SYT2: variants seen among roughly 807,000 people sequenced by gnomAD.
SYT2 encodes the protein synaptotagmin 2, also known as synaptotagmin-2.
In SYT2, 15 loss-of-function variants were observed where a neutral mutation model predicts 39.9. The ratio of observed to expected loss-of-function variants is 0.38; its 90% CI spans 0.25 to 0.58. The LOEUF (loss-of-function observed/expected upper bound fraction) is 0.58. Ranked by LOEUF, SYT2 falls within the 20% of genes least tolerant of loss-of-function variation. The probability of loss-of-function intolerance (pLI) is 0.70; values close to 1 mark genes in which losing one functional copy is unlikely to be tolerated. For missense variants in SYT2, 389 were observed against 530.3 expected (o/e 0.73, Z 2.62); for synonymous variants, 181 against 204.5 (o/e 0.89, Z 0.98).
In SYT2 at chr1:202,637,109, C is replaced by G. The variant is rs1383619546; in HGVS notation, c.-17-31320G>C. 8.5e-5 allele frequency among the ~76,000 whole-genome samples: 13 copies of G among 152,168 alleles called. 1 individual carries two copies. In the South Asian group the frequency reaches 2.7e-3, roughly 32 times the overall value. On this transcript the variant is annotated intron_variant, in intron 1 of 8. Coordinates refer to ENST00000367268, the MANE Select transcript of SYT2 (RefSeq NM_177402.5). ...GCTGAGGTAGGAGGATTGCTTGAGC[C>G]CCAGGAGTTCGAGCCCAGCCTGGGC...
At chr1:202,602,819 G>GC (rs1309542295) in intron 4 of SYT2, among the ~76,000 whole-genome samples, 180 bp downstream of exon 4, 1 of 152,102 alleles carries the variant, frequency 6.6e-6, no homozygotes, top group East Asian at 1.9e-4. Context: ...CCCAAAGCAG[G>GC]CTAGTGGCCA....
intron 1 of SYT2, among the ~76,000 whole-genome samples, chr1:202,680,960 C>T (rs1653509691): frequency 1.3e-5 from 2 of 152,162 alleles, no homozygotes; most frequent in South Asian, 4.1e-4. Flanking sequence ...AACACTGTTT[C>T]CCCATCACTG....
chr1:202,673,108 G>A (rs966510675), intron 1 of SYT2, among the ~76,000 whole-genome samples: 18 of 152,130 alleles, frequency 1.2e-4, no homozygotes, highest in East Asian at 3.9e-4. Context: ...TATGGATGGT[G>A]TTATAAGAAA....
chr1:202,630,334 G>C (rs2149090284), intron 1 of SYT2: 1 of 982,176 alleles, frequency 1.0e-6, no homozygotes, highest in African/African-American at 1.7e-5. Flanking sequence ...CATGGGGAGA[G>C]GGAACACAGA....
chr1:202,641,001 TAGAC>T (rs1691902204), intron 1 of SYT2, among the ~76,000 whole-genome samples: 1 of 152,340 alleles, frequency 6.6e-6, no homozygotes, highest in Admixed American at 6.5e-5. Context: ...ATTGAGGACT[TAGAC>T]AGCTCAGTAC....
intron 1 of SYT2, among the ~76,000 whole-genome samples, chr1:202,619,491 GTC>G (rs749532759): frequency 1.3e-5 from 2 of 152,190 alleles, no homozygotes; most frequent in Non-Finnish European, 2.9e-5. Flanking sequence ...CTGAGGAAGG[GTC>G]TCTCAGGCTT....
At chr1:202,626,522 C>T (rs1210881715) in intron 1 of SYT2, among the ~76,000 whole-genome samples, 7 of 148,808 alleles carry the variant, frequency 4.7e-5, no homozygotes, top group Admixed American at 3.4e-4. Context: ...GGACTACAGG[C>T]GTACCACCAT....
At chr1:202,653,092 C>T (rs192515655) in intron 1 of SYT2, among the ~76,000 whole-genome samples, 17 of 152,098 alleles carry the variant, frequency 1.1e-4, no homozygotes, top group Admixed American at 7.2e-4. Flanking sequence ...AGCGGCTTGA[C>T]ATCTCAATGC....
chr1:202,601,795 C>T lies in SYT2; in HGVS notation c.801+95G>A, dbSNP rs992596843. The T allele has an allele frequency of 1.3e-5, 18 of 1,362,442 alleles. No homozygotes were observed. The highest frequency in any genetic ancestry group is 6.0e-5 in the Admixed American group (3 of 50,206). The allele number at this position is 1,362,442 out of a possible 1,614,324, so 84.4% of individuals were successfully genotyped here. A position where few individuals can be genotyped will look rare whatever the true frequency, so the allele number is the denominator to read the frequency against. ...CTGGGATCCTAACACAGGTCGTCTG[C>T]CTCCAAAGCCCACCCTGTTTCCATC... On this transcript the variant is annotated intron_variant, in intron 6 of 8. Transcript: ENST00000367268. This position sits in a 1 kb window ranked among gnomAD's most constrained non-coding sequence, Gnocchi z 4.0.
intron 1 of SYT2, among the ~76,000 whole-genome samples, chr1:202,693,996 T>A (rs998577777): frequency 1.3e-5 from 2 of 152,086 alleles, no homozygotes; most frequent in African/African-American, 4.8e-5. Flanking sequence ...CCACACACTT[T>A]TAAACATCCA....
At chr1:202,658,585 C>T (rs1235104681) in intron 1 of SYT2, among the ~76,000 whole-genome samples, 2 of 151,998 alleles carry the variant, frequency 1.3e-5, no homozygotes, top group Admixed American at 6.5e-5. Flanking sequence ...GCTGTGAGTA[C>T]GTGTGGCGTG....
At chr1:202,619,029 T>G (rs1222390318) in intron 1 of SYT2, among the ~76,000 whole-genome samples, 1 of 152,198 alleles carries the variant, frequency 6.6e-6, no homozygotes, top group Non-Finnish European at 1.5e-5. Flanking sequence ...CCTGGACCCC[T>G]AGTCCAGTGC....
intron 1 of SYT2, chr1:202,631,971 G>A (rs904828208): frequency 1.1e-4 from 108 of 945,664 alleles, no homozygotes; most frequent in Non-Finnish European, 1.3e-4. Context: ...CTGCTGGTTC[G>A]CCAGGCAGTT....
chr1:202,641,246 C>T (rs1456838055), intron 1 of SYT2, among the ~76,000 whole-genome samples: 3 of 152,150 alleles, frequency 2.0e-5, no homozygotes, highest in Non-Finnish European at 4.4e-5. Flanking sequence ...CAATTTGTCT[C>T]GACTCTGGTG....
At chr1:202,709,709 G>T (rs919147427) in intron 1 of SYT2, among the ~76,000 whole-genome samples, 3 of 152,156 alleles carry the variant, frequency 2.0e-5, no homozygotes, top group Non-Finnish European at 4.4e-5. Context: ...CTTCCAGATG[G>T]CCCCTGCAGT....
intron 1 of SYT2, among the ~76,000 whole-genome samples, chr1:202,661,333 G>T (rs1692375613): frequency 6.6e-6 from 1 of 151,846 alleles, no homozygotes; most frequent in South Asian, 2.1e-4. Context: ...ACCTACTGGG[G>T]CCACCTACTG....
rs1310108702 is a variant in SYT2, at chr1:202,596,891, C to T, written c.1126G>A (p.Val376Met). Residue 376 changes from valine (V) to methionine (M), a missense_variant, in exon 9 of 9, where the codon GTG (valine) becomes ATG (methionine). This residue lies in a region of SYT2 where 84 missense variants were observed against 123.1 expected (regional missense o/e 0.68). Transcript: ENST00000367268. ...GKNEAIGKIF[V>M]GSNATGTELR... is the part of the protein sequence containing the mutation. ...TCTGTGCCCGTGGCATTGCTGCCCA[C>T]GAAGATCTTGCCTATGGCTTCGTTC... The T allele has an allele frequency of 2.5e-6, 4 of 1,614,090 alleles. No homozygotes were observed. Among genetic ancestry groups the T allele is most frequent in the Non-Finnish European group, 3.4e-6 (4 of 1,180,044 alleles).
intron 1 of SYT2, among the ~76,000 whole-genome samples, chr1:202,649,060 T>A (rs1692142583): frequency 6.6e-6 from 1 of 152,212 alleles, no homozygotes; most frequent in South Asian, 2.1e-4. Context: ...TCTCACTCTC[T>A]CTTTGAAAGA....
chr1:202,615,971 T>C (rs989808094), intron 1 of SYT2, among the ~76,000 whole-genome samples: 7 of 152,122 alleles, frequency 4.6e-5, no homozygotes, highest in Non-Finnish European at 1.0e-4. Flanking sequence ...AGCTTTCTCC[T>C]TCTCCATGGC....
Sources: allele counts gnomAD v4.1 joint callset (sites outside exome capture counted in the v4.1 genomes callset), GRCh38; gene constraint gnomAD v4.1.1; regional missense constraint gnomAD v4.1.1; non-coding constraint Gnocchi (gnomAD v3.1); transcripts MANE v1.5; gene names NCBI Gene and HGNC (gene_info 2026-07-23, HGNC 2026-07-21).